ZNF488: variants seen among roughly 807,000 people sequenced by gnomAD.
The protein encoded by ZNF488 is zinc finger protein 488.
ZNF488 carries 1 observed loss-of-function variant against 1.2 expected under a neutral mutation model. That is an observed-to-expected ratio of 0.86 (90% CI 0.30 to 4.07). ZNF488 has a LOEUF of 4.07. ZNF488 is among the 30% of genes most tolerant of loss of function. The pLI, the probability that ZNF488 is intolerant of heterozygous loss-of-function variation, is 0.18. For synonymous variants in ZNF488, 185 were observed against 190.1 expected (o/e 0.97, Z 0.22); for missense variants, 450 against 437.9 (o/e 1.03, Z -0.25).
At chr10:47,377,667 ACAAT>A (rs1367099987) in intron 1 of ZNF488, among the ~76,000 whole-genome samples, 2 of 102,638 alleles carry the variant, frequency 1.9e-5, no homozygotes, top group African/African-American at 8.0e-5. Flanking sequence ...GCCAGCAATA[ACAAT>A]CACACACACA....
At chr10:47,383,453 G>A (rs782389678) in intron 1 of ZNF488, among the ~76,000 whole-genome samples, 4 of 152,194 alleles carry the variant, frequency 2.6e-5, no homozygotes, top group Non-Finnish European at 5.9e-5. Context: ...TGCCCAGAAG[G>A]CAGGTGTGGG....
At chr10:47,377,600 T>TCACACACACA (rs66911760) in intron 1 of ZNF488, among the ~76,000 whole-genome samples, 1 of 114,654 alleles carries the variant, frequency 8.7e-6, no homozygotes, top group Non-Finnish European at 1.8e-5. Context: ...AATAACAATC[T>TCACACACACA]CACACACACA....
chr10:47,369,556 C>A (rs1248198801), intron 1 of ZNF488, among the ~76,000 whole-genome samples: 2 of 152,206 alleles, frequency 1.3e-5, no homozygotes, highest in Non-Finnish European at 2.9e-5. Flanking sequence ...GTCTACCAGA[C>A]CTGCCTCCCA....
chr10:47,370,278 G>C (rs560046746), intron 1 of ZNF488, among the ~76,000 whole-genome samples: 2 of 152,376 alleles, frequency 1.3e-5, no homozygotes, highest in South Asian at 4.1e-4. Context: ...TAGCAGAAGG[G>C]TATGCTTTGC....
At chr10:47,379,358 G>A (rs1462273605) in intron 1 of ZNF488, among the ~76,000 whole-genome samples, 1 of 152,214 alleles carries the variant, frequency 6.6e-6, no homozygotes, top group East Asian at 1.9e-4. Context: ...AGACCACTGT[G>A]GATCCTGACA....
intron 1 of ZNF488, among the ~76,000 whole-genome samples, chr10:47,377,671 TCACACACACACACACACACA>T (rs55901237): frequency 1.3e-4 from 14 of 105,032 alleles, no homozygotes; most frequent in East Asian, 2.6e-4. Flanking sequence ...GCAATAACAA[TCACACACACACACACACACA>T]CACACACACA....
chr10:47,373,660 A>C (rs1565782213), intron 1 of ZNF488, among the ~76,000 whole-genome samples: 1 of 152,230 alleles, frequency 6.6e-6, no homozygotes, highest in African/African-American at 2.4e-5. Flanking sequence ...GGCATGGAGA[A>C]GTAAACAAAA....
At position 47,365,835 on chromosome 10, in the gene ZNF488, G is replaced by C. The variant is rs1230103466; in HGVS notation, c.*1972C>G. 3 of 167,222 alleles carry C rather than the reference G, an allele frequency of 1.8e-5. No homozygotes were observed. Among genetic ancestry groups the C allele is most frequent in the African/African-American group, 7.2e-5 (3 of 41,458 alleles). 10.4% of individuals were successfully genotyped at this position (167,222 alleles called of 1,614,324 possible). On this transcript the variant is annotated 3_prime_UTR_variant, in exon 2 of 2. Coordinates refer to ENST00000585316, the MANE Select transcript of ZNF488 (RefSeq NM_153034.4). ...ATAGAAAATGTTGAATGAAGCCCAG[G>C]CTTGAGAAACGGCACCAGAGCTGTG...
intron 1 of ZNF488, among the ~76,000 whole-genome samples, chr10:47,371,741 C>A (rs11204208): frequency 0.1 from 15,464 of 152,066 alleles, 999 homozygotes; most frequent in East Asian, 0.28. Flanking sequence ...TTCAGAGATG[C>A]TACTTTCCTA....
chr10:47,373,943 C>A (rs142288275), intron 1 of ZNF488, among the ~76,000 whole-genome samples: 3 of 152,324 alleles, frequency 2.0e-5, no homozygotes, highest in African/African-American at 4.8e-5. Flanking sequence ...CTGTTTTATT[C>A]CCATGCCTTC....
intron 1 of ZNF488, among the ~76,000 whole-genome samples, chr10:47,370,713 T>C (rs1837435191): frequency 6.6e-6 from 1 of 152,222 alleles, no homozygotes; most frequent in Non-Finnish European, 1.5e-5. Flanking sequence ...GACGAAGCAC[T>C]GTGCAGCCTC....
At chr10:47,380,110 G>A (rs928991658) in intron 1 of ZNF488, among the ~76,000 whole-genome samples, 9 of 152,262 alleles carry the variant, frequency 5.9e-5, no homozygotes, top group African/African-American at 1.7e-4. Flanking sequence ...CTTTGTGGTC[G>A]TCAGCTCTCC....
At chr10:47,375,790 C>T (rs1337240139) in intron 1 of ZNF488, among the ~76,000 whole-genome samples, 1 of 152,194 alleles carries the variant, frequency 6.6e-6, no homozygotes, top group Admixed American at 6.5e-5. Flanking sequence ...ACTTACCACA[C>T]ACCACAGCAT....
At position 47,368,198 on chromosome 10, in the gene ZNF488, T is replaced by C. The variant is rs1399450324; in HGVS notation, c.632A>G (p.Lys211Arg). 9.3e-6 allele frequency: 15 copies of C among 1,614,012 alleles called. No homozygotes were observed. Among genetic ancestry groups the C allele is most frequent in the Non-Finnish European group, 1.1e-5 (13 of 1,180,034 alleles). ...GTTCCACAAATCACCAACCAAAAGC[T>C]TGGGAGTTGAAAGTCGACCCCAACA... Reference protein sequence around the residue: ...LACWGRLSTPKLLVGDLWNLQ... With the variant: ...LACWGRLSTPRLLVGDLWNLQ... Residue 211 changes from lysine (K) to arginine (R), a missense_variant, in exon 2 of 2, where the codon AAG (lysine) becomes AGG (arginine). Coordinates refer to ENST00000585316, the MANE Select transcript of ZNF488 (RefSeq NM_153034.4).
intron 1 of ZNF488, among the ~76,000 whole-genome samples, chr10:47,378,871 C>T (rs1243894423): frequency 5.9e-5 from 9 of 152,188 alleles, no homozygotes; most frequent in Admixed American, 3.9e-4. Context: ...ACTCCTGATG[C>T]CCTTTTTGAG....
Position 47,383,477 on chromosome 10 carries a change from T to A in ZNF488, c.-109+743A>T, listed in dbSNP as rs111798402. ...GGCAGGTGTGGGTGGGAACGCCCCC[T>A]AAATGCTTCTGCAAGGCTTAGCTTC... On this transcript the variant is annotated intron_variant, in intron 1 of 1. Transcript: ENST00000585316. 5.0e-3 allele frequency among the ~76,000 whole-genome samples: 768 copies of A among 152,322 alleles called. 9 individuals are homozygous for A. The highest frequency in any genetic ancestry group is 0.017 in the African/African-American group (706 of 41,566).
intron 1 of ZNF488, among the ~76,000 whole-genome samples, chr10:47,377,221 G>A (rs1415660194): frequency 6.6e-6 from 1 of 152,158 alleles, no homozygotes; most frequent in Non-Finnish European, 1.5e-5. Context: ...CAGTCAGATG[G>A]CTTGGTTCTG....
At chr10:47,376,925 A>G (rs1555214471) in intron 1 of ZNF488, among the ~76,000 whole-genome samples, 1 of 152,198 alleles carries the variant, frequency 6.6e-6, no homozygotes. Context: ...AAGCAAAACA[A>G]CTGGGCTGCA....
At position 47,377,684 on chromosome 10, in the gene ZNF488, C is replaced by G. The variant is rs1837739805; in HGVS notation, c.-109+6536G>C. Among the ~76,000 whole-genome samples the G allele has an allele frequency of 1.3e-4, 9 of 67,358 alleles. No homozygotes were observed. In the South Asian group the frequency reaches 6.3e-3, roughly 47 times the overall value. The allele number at this position is 67,358 out of a possible 152,430, so 44.2% of individuals were successfully genotyped here. On this transcript the variant is annotated intron_variant, in intron 1 of 1. Coordinates refer to ENST00000585316, the MANE Select transcript of ZNF488 (RefSeq NM_153034.4). ...CAGCAATAACAATCACACACACACA[C>G]ACACACACACACACACACACACACA...
Sources: gnomAD v4.1 joint callset for allele counts (sites outside exome capture counted in the v4.1 genomes callset) on GRCh38, gnomAD v4.1.1 for gene constraint, MANE v1.5 for transcripts, NCBI Gene and HGNC (gene_info 2026-07-23, HGNC 2026-07-21) for gene names.